The following DMD variants were observed in gnomAD, a reference collection of about 807,000 sequenced individuals.
DMD encodes the protein mutant dystrophin.
In DMD, 63 loss-of-function variants were observed where a neutral mutation model predicts 330.1. The observed-to-expected ratio is 0.19, with a 90% CI of 0.16 to 0.24. DMD has a LOEUF of 0.24. Among genes scored for constraint, DMD ranks in the 10% least tolerant of loss-of-function variants. DMD has a pLI of 1.00. For synonymous variants in DMD, 1,223 were observed against 959.8 expected (o/e 1.27, Z -5.07); for missense variants, 3,344 against 2,684.1 (o/e 1.25, Z -5.43).
chrX:33,301,864 T>C (rs1057513415), intron 1 of DMD, among the ~76,000 whole-genome samples: 1 of 111,953 alleles, frequency 8.9e-6, no homozygotes, highest in Non-Finnish European at 1.9e-5. Context: ...ATATTGGCAA[T>C]TAAGTTTCAA....
intron 41 of DMD, among the ~76,000 whole-genome samples, chrX:32,340,245 T>G (rs1441207926): frequency 8.9e-6 from 1 of 111,994 alleles, no homozygotes; most frequent in African/African-American, 3.2e-5. Flanking sequence ...CAGATTGTGA[T>G]TACTTTATTA....
At chrX:31,266,905 A>G in intron 62 of DMD, 2 of 1,178,712 alleles carry the variant, frequency 1.7e-6, no homozygotes, top group Non-Finnish European at 2.3e-6. Context: ...GCTCCCCGAA[A>G]GTGGAGCGCC....
chrX:33,095,430 A>G (rs2095144623), intron 1 of DMD, among the ~76,000 whole-genome samples: 1 of 112,122 alleles, frequency 8.9e-6, no homozygotes. Context: ...GTCCCTTGTT[A>G]TGGTTTTATC....
At chrX:32,170,023 A>G (rs1221724443) in intron 44 of DMD, among the ~76,000 whole-genome samples, 1 of 111,492 alleles carries the variant, frequency 9.0e-6, no homozygotes, top group Non-Finnish European at 1.9e-5. Context: ...TTTCTAAATG[A>G]TTTTCCACAT....
At position 32,365,194 on chromosome X, in the gene DMD, A is replaced by C. The variant is rs143719666; in HGVS notation, c.4851T>G (p.Thr1617=). Residue 1617 remains threonine, a synonymous_variant, in exon 35 of 79, where the codon ACT becomes ACG. Transcript: ENST00000357033. The stretch of plus-strand genomic sequence containing the variant: ...CCTTCTGTTTCTCAATCTCTTTTTG[A>C]GTAGCCTGTGAAAAGGAGAGCATTG... ...LDSEVAWGKA[T]QKEIEKQKVH... The C allele has an allele frequency of 2.5e-6, 3 of 1,208,187 alleles. No individual in the cohort carries two copies. The African/African-American group carries it at 5.3e-5, about 21-fold the overall frequency.
intron 49 of DMD, among the ~76,000 whole-genome samples, chrX:31,828,615 G>C (rs1395806252): frequency 1.0e-5 from 1 of 95,628 alleles, no homozygotes; most frequent in Non-Finnish European, 2.0e-5. Flanking sequence ...AGTGAGCCAA[G>C]ATCATGCCAC....
At chrX:31,168,280 G>A (rs1021573069) in intron 74 of DMD, among the ~76,000 whole-genome samples, 3 of 111,526 alleles carry the variant, frequency 2.7e-5, no homozygotes, top group Non-Finnish European at 3.8e-5. Flanking sequence ...GGGTTTGAAC[G>A]CCCCACTAAG....
chrX:31,835,043 G>C (rs1189713599), intron 49 of DMD, among the ~76,000 whole-genome samples: 1 of 112,228 alleles, frequency 8.9e-6, no homozygotes, highest in East Asian at 2.8e-4. Context: ...GCAGATCCCA[G>C]TTCTGATCTC....
chrX:32,011,820 A>G (rs752630434), intron 44 of DMD, among the ~76,000 whole-genome samples: 11 of 111,782 alleles, frequency 9.8e-5, no homozygotes, highest in African/African-American at 3.6e-4. Context: ...CAGGACTCTC[A>G]TCACCTACGG....
intron 55 of DMD, among the ~76,000 whole-genome samples, chrX:31,613,054 A>C (rs1186615576): frequency 1.8e-5 from 2 of 112,083 alleles, no homozygotes; most frequent in African/African-American, 6.5e-5. Flanking sequence ...CTGAGCAAAG[A>C]TAACTTCTCT....
At chrX:31,454,802 G>A (rs753632320) in intron 59 of DMD, among the ~76,000 whole-genome samples, 7 of 110,231 alleles carry the variant, frequency 6.4e-5, no homozygotes, top group African/African-American at 2.3e-4. Flanking sequence ...GCCCAGGCTG[G>A]AGTGCAGCAG....
chrX:32,356,379 TAAA>T lies in DMD; in HGVS notation c.5325+6406_5325+6408del, dbSNP rs71888370. ...TATATCTTCTGACACTGAATGGAAGTAAAAAAAAAAAAAAAAAAAAAAAAAAAC... is the reference window on the plus strand; with the variant it reads ...TATATCTTCTGACACTGAATGGAAGTAAAAAAAAAAAAAAAAAAAAAAAAC... On this transcript the variant is annotated intron_variant, in intron 37 of 78. Coordinates refer to ENST00000357033, the MANE Select transcript of DMD (RefSeq NM_004006.3). Among the ~76,000 whole-genome samples the T allele has an allele frequency of 3.2e-3, 170 of 52,713 alleles. 1 individual carries two copies. The highest frequency in any genetic ancestry group is 0.014 in the East Asian group (16 of 1,174). 45.8% of individuals were successfully genotyped at this position (52,713 alleles called of 115,157 possible).
chrX:31,599,962 A>ACT (rs1378844002), intron 55 of DMD, among the ~76,000 whole-genome samples: 1 of 110,614 alleles, frequency 9.0e-6, no homozygotes, highest in African/African-American at 3.3e-5. Flanking sequence ...ATAGGGTCTC[A>ACT]CTCTGTCATC....
chrX:32,880,956 A>G (rs2083882891), intron 2 of DMD, among the ~76,000 whole-genome samples: 1 of 113,127 alleles, frequency 8.8e-6, no homozygotes, highest in Non-Finnish European at 1.9e-5. Flanking sequence ...AAAAAAAGAA[A>G]AAGAAAAAAA....
chrX:32,274,072 C>T (rs761567186), intron 43 of DMD, among the ~76,000 whole-genome samples: 41 of 111,372 alleles, frequency 3.7e-4, no homozygotes, highest in African/African-American at 1.3e-3. Flanking sequence ...ATGACAAAAC[C>T]AAGAAATACA....
At chrX:32,485,170 T>C (rs1220043334) in intron 20 of DMD, 71 bp from the exon 21 acceptor site, 2 of 1,066,377 alleles carry the variant, frequency 1.9e-6, no homozygotes, top group Non-Finnish European at 2.6e-6. Flanking sequence ...AAAGAAGGTA[T>C]TAAAAAGCAG....
intron 7 of DMD, among the ~76,000 whole-genome samples, chrX:32,759,853 GGGGGGGC>G (rs1269072332): frequency 0.034 from 2,049 of 59,907 alleles, 94 homozygotes; most frequent in Admixed American, 0.11. Flanking sequence ...TGGGGGGGGG[GGGGGGGC>G]GGGGGAAGAC....
intron 13 of DMD, among the ~76,000 whole-genome samples, chrX:32,591,998 G>A (rs952841387): frequency 4.4e-5 from 5 of 112,416 alleles, no homozygotes; most frequent in South Asian, 3.7e-4. Context: ...GCTGCCTTGC[G>A]CCCGTCTGGA....
chrX:32,863,575 A>ACACACACACACACACAC (rs746034767), intron 2 of DMD, among the ~76,000 whole-genome samples: 2 of 69,979 alleles, frequency 2.9e-5, no homozygotes, highest in African/African-American at 1.3e-4. Flanking sequence ...CACACACACA[A>ACACACACACACACACAC]ATACACACAT....
Sources: gnomAD v4.1 joint callset for allele counts (sites outside exome capture counted in the v4.1 genomes callset) on GRCh38, gnomAD v4.1.1 for gene constraint, MANE v1.5 for transcripts, NCBI Gene and HGNC (gene_info 2026-07-23, HGNC 2026-07-21) for gene names.